Variants in LHFPL3 observed in about 807,000 individuals in gnomAD.
LHFPL3 encodes LHFPL tetraspan subfamily member 3.
A neutral mutation model predicts 19.3 loss-of-function variants in LHFPL3; 5 were observed. The observed-to-expected ratio is 0.26, with a 90% confidence interval of 0.14 to 0.54. The LOEUF is 0.54. Among genes scored for constraint, LHFPL3 ranks in the 20% least tolerant of loss-of-function variants. LHFPL3 has a pLI of 0.94. For missense variants in LHFPL3, 249 were observed against 307.4 expected, an observed-to-expected ratio of 0.81 and a Z score of 1.42; for synonymous variants, 133 against 126.2, an observed-to-expected ratio of 1.05 and a Z score of -0.36.
chr7:104,610,908 C>T (rs1308853287), intron 1 of LHFPL3, among the ~76,000 whole-genome samples: 1 of 152,234 alleles, frequency 6.6e-6, no homozygotes, highest in Non-Finnish European at 1.5e-5. Flanking sequence ...CAAACACACA[C>T]TCAGTTTGAA....
At chr7:104,444,024 G>T (rs1027131882) in intron 1 of LHFPL3, among the ~76,000 whole-genome samples, 1 of 152,172 alleles carries the variant, frequency 6.6e-6, no homozygotes, top group Non-Finnish European at 1.5e-5. Flanking sequence ...TTGCAAATTG[G>T]CACAGCCTTT....
intron 1 of LHFPL3, among the ~76,000 whole-genome samples, chr7:104,635,175 G>A (rs907888358): frequency 6.6e-6 from 1 of 152,006 alleles, no homozygotes; most frequent in Non-Finnish European, 1.5e-5. Context: ...ATATGGGGGG[G>A]AAAGGTAAGA....
intron 1 of LHFPL3, among the ~76,000 whole-genome samples, chr7:104,369,736 T>G (rs1341493211): frequency 6.6e-6 from 1 of 152,216 alleles, no homozygotes; most frequent in African/African-American, 2.4e-5. Context: ...AGGTTTGCAG[T>G]GGTATCCCAT....
intron 1 of LHFPL3, among the ~76,000 whole-genome samples, chr7:104,393,805 A>G (rs1376028182): frequency 1.3e-5 from 2 of 152,206 alleles, no homozygotes; most frequent in Admixed American, 1.3e-4. Context: ...TACAACATGA[A>G]TGAATATTGA....
chr7:104,510,428 G>A (rs945634190), intron 1 of LHFPL3, among the ~76,000 whole-genome samples: 1 of 152,052 alleles, frequency 6.6e-6, no homozygotes, highest in Non-Finnish European at 1.5e-5. Context: ...AGACAAGGTT[G>A]CAAAAGTATT....
rs559041201 is a variant in LHFPL3, at chr7:104,564,867, G to A, written c.446-171808G>A. ...ATTCACATGGGGTTGAGAGACTAGG[G>A]AGGGGAACACCATCTTCCTCGCAGT... On this transcript the variant is annotated intron_variant, in intron 1 of 2. Coordinates refer to ENST00000424859, the MANE Select transcript of LHFPL3 (RefSeq NM_199000.3). 5.9e-5 allele frequency among the ~76,000 whole-genome samples: 9 copies of A among 152,306 alleles called. No individual in the cohort carries two copies. In the South Asian group the frequency reaches 1.2e-3, roughly 21 times the overall value.
intron 2 of LHFPL3, among the ~76,000 whole-genome samples, chr7:104,866,194 CATA>C (rs1791718518): frequency 6.6e-6 from 1 of 152,286 alleles, no homozygotes; most frequent in East Asian, 1.9e-4. Context: ...CAGCTAACAT[CATA>C]ATGACAGGAT....
chr7:104,423,491 AC>A (rs1791774924), intron 1 of LHFPL3, among the ~76,000 whole-genome samples: 1 of 152,108 alleles, frequency 6.6e-6, no homozygotes, highest in Admixed American at 6.6e-5. Context: ...GTGCATGCCT[AC>A]CGTCCCAGCT....
chr7:104,596,153 G>A (rs1416757424), intron 1 of LHFPL3, among the ~76,000 whole-genome samples: 1 of 152,168 alleles, frequency 6.6e-6, no homozygotes, highest in East Asian at 1.9e-4. Context: ...GATCACACTG[G>A]GAGCTACAGA....
chr7:104,760,028 C>T (rs766456025), intron 2 of LHFPL3, among the ~76,000 whole-genome samples: 1 of 152,138 alleles, frequency 6.6e-6, no homozygotes, highest in Non-Finnish European at 1.5e-5. Context: ...AGTGAGTGTC[C>T]GAATCACTGG....
At chr7:104,667,670 T>C in intron 1 of LHFPL3, 1 of 1,039,474 alleles carries the variant, frequency 9.6e-7, no homozygotes. Flanking sequence ...TAACTAAAGT[T>C]AACATGCCAT....
chr7:104,647,104 C>A (rs1223687690), intron 1 of LHFPL3, among the ~76,000 whole-genome samples: 1 of 152,210 alleles, frequency 6.6e-6, no homozygotes, highest in Non-Finnish European at 1.5e-5. Flanking sequence ...TTAGTTACTT[C>A]TTTTCATTTA....
chr7:104,727,715 A>T (rs1371039544), intron 1 of LHFPL3, among the ~76,000 whole-genome samples: 1 of 152,130 alleles, frequency 6.6e-6, no homozygotes, highest in Non-Finnish European at 1.5e-5. Flanking sequence ...TTTAGGGAAA[A>T]TCATGGCAAA....
Position 104,329,105 on chromosome 7 carries a change from CCTT to C in LHFPL3, c.330_332del (p.Phe111del). The C allele has an allele frequency of 3.1e-6, 5 of 1,614,090 alleles. No homozygotes were observed. Among genetic ancestry groups the C allele is most frequent in the Non-Finnish European group, 4.2e-6 (5 of 1,179,908 alleles). On this transcript the variant is annotated inframe_deletion, in exon 1 of 3. Coordinates refer to ENST00000424859, the MANE Select transcript of LHFPL3 (RefSeq NM_199000.3). ...CCCTCGGGCGCCTTCAAAGCCGCCT[CCTT>C]CTTTATCGGCCTCTCCATGATGCTC...
intron 1 of LHFPL3, among the ~76,000 whole-genome samples, chr7:104,713,773 G>A (rs186088969): frequency 6.6e-6 from 1 of 152,260 alleles, no homozygotes; most frequent in African/African-American, 2.4e-5. Context: ...TCGATTATAA[G>A]AAAGCCAAAT....
intron 1 of LHFPL3, among the ~76,000 whole-genome samples, chr7:104,397,406 C>T (rs1791212957): frequency 6.6e-6 from 1 of 152,082 alleles, no homozygotes; most frequent in South Asian, 2.1e-4. Context: ...TTGTGTTGTA[C>T]TTAATTTTTT....
chr7:104,390,675 T>A (rs1160002127), intron 1 of LHFPL3, among the ~76,000 whole-genome samples: 2 of 152,204 alleles, frequency 1.3e-5, no homozygotes, highest in African/African-American at 4.8e-5. Context: ...GCAGCATGAT[T>A]TATAATCCTT....
intron 1 of LHFPL3, among the ~76,000 whole-genome samples, chr7:104,707,480 T>C (rs1376115462): frequency 6.6e-6 from 1 of 152,198 alleles, no homozygotes; most frequent in African/African-American, 2.4e-5. Context: ...GTTTATATCC[T>C]GGAAGACAAT....
intron 1 of LHFPL3, among the ~76,000 whole-genome samples, chr7:104,654,413 T>G (rs1792087326): frequency 6.6e-6 from 1 of 152,202 alleles, no homozygotes; most frequent in African/African-American, 2.4e-5. Context: ...CTCTTTGAAG[T>G]GTGCATCTAA....
Sources: gnomAD v4.1 joint callset for allele counts (sites outside exome capture counted in the v4.1 genomes callset) on GRCh38, gnomAD v4.1.1 for gene constraint, MANE v1.5 for transcripts, NCBI Gene and HGNC (gene_info 2026-07-23, HGNC 2026-07-21) for gene names.